The following POGLUT2 variants were observed in gnomAD, a reference collection of about 807,000 sequenced individuals.
POGLUT2 encodes ER protein 58.
POGLUT2 carries 47 observed loss-of-function variants against 57.6 expected under a neutral mutation model. That is an observed-to-expected ratio of 0.82 (90% CI 0.65 to 1.04). POGLUT2 has a LOEUF of 1.04. Ranked by LOEUF, POGLUT2 falls within the 50% of genes least tolerant of loss-of-function variation. The pLI is 0.00. For synonymous variants in POGLUT2, 200 were observed against 218.8 expected (o/e 0.91, Z 0.76); for missense variants, 565 against 614.8 (o/e 0.92, Z 0.86).
chr13:102,796,699 A>AT (rs1185943886), intron 2 of POGLUT2, 105 bp downstream of exon 2: 22 of 151,332 alleles, frequency 1.5e-4, no homozygotes, highest in African/African-American at 5.7e-4. Context: ...AAAAAAAAAA[A>AT]ATATATATAT....
chr13:102,796,293 C>CAAAAAAAAAAAAAAAAAAAA (rs151064207), intron 2 of POGLUT2, among the ~76,000 whole-genome samples: 3 of 100,728 alleles, frequency 3.0e-5, no homozygotes, highest in Non-Finnish European at 4.2e-5. Context: ...GACTCTGCCT[C>CAAAAAAAAAAAAAAAAAAAA]AAAAAAAAAA....
rs183949385 is a variant in POGLUT2 at position 102,784,450 on chromosome 13, A to T, written c.*45T>A. 1.6e-6 allele frequency: 2 copies of T among 1,226,186 alleles called. No individual in the cohort carries two copies. Among genetic ancestry groups the T allele is most frequent in the Non-Finnish European group, 2.4e-6 (2 of 846,174 alleles). The allele number at this position is 1,226,186 out of a possible 1,614,324, so 76.0% of individuals were successfully genotyped here. A position where few individuals can be genotyped will look rare whatever the true frequency, so the allele number is the denominator to read the frequency against. On this transcript the variant is annotated 3_prime_UTR_variant, in exon 10 of 10. Coordinates refer to ENST00000376004, the MANE Select transcript of POGLUT2 (RefSeq NM_024089.3). ...AAAAAATTCTTCTTTTTAGTTAAGAAGAGTCTTCAGAGCACCATTATTCTA... is the reference window on the plus strand; with the variant it reads ...AAAAAATTCTTCTTTTTAGTTAAGATGAGTCTTCAGAGCACCATTATTCTA...
chr13:102,787,030 TTTTG>T (rs1027910598), intron 8 of POGLUT2, among the ~76,000 whole-genome samples: 4 of 151,424 alleles, frequency 2.6e-5, no homozygotes, highest in African/African-American at 9.7e-5. Flanking sequence ...TACTACCTGA[TTTTG>T]TTTTTTTTTT....
chr13:102,792,157 C>A, intron 4 of POGLUT2: 1 of 1,152,276 alleles, frequency 8.7e-7, no homozygotes. Context: ...AATTAACAGA[C>A]TGTAAGTGCT....
chr13:102,787,116 G>A (rs181015096), intron 8 of POGLUT2, among the ~76,000 whole-genome samples: 2 of 151,740 alleles, frequency 1.3e-5, no homozygotes, highest in Admixed American at 6.6e-5. Context: ...GTACGATCTC[G>A]GCTCACTGTA....
At chr13:102,790,774 T>C (rs1003194045) in intron 6 of POGLUT2, 127 bp downstream of exon 6, 1 of 678,480 alleles carries the variant, frequency 1.5e-6, no homozygotes, top group Non-Finnish European at 2.6e-6. Flanking sequence ...CATGTCTCAA[T>C]ATTCGCTCAA....
At position 102,788,031 on chromosome 13, in the gene POGLUT2, TA is replaced by T. The variant is rs1429263023; in HGVS notation, c.1294-109del. ...TATACATTGGGGCAACTGTGGGAAA[TA>T]ATATCTTTGGGGGTAGTCTCATGGT... On this transcript the variant is annotated intron_variant, in intron 7 of 9. Coordinates refer to ENST00000376004, the MANE Select transcript of POGLUT2 (RefSeq NM_024089.3). 8 of 582,490 alleles carry T rather than the reference TA, an allele frequency of 1.4e-5. No individual in the cohort carries two copies. In the Admixed American group the frequency reaches 2.3e-4, roughly 17 times the overall value. 36.1% of individuals were successfully genotyped at this position (582,490 alleles called of 1,614,324 possible).
chr13:102,788,957 G>T, intron 7 of POGLUT2, 55 bp downstream of exon 7: 1 of 1,391,112 alleles, frequency 7.2e-7, no homozygotes, highest in South Asian at 1.2e-5. Flanking sequence ...ATTTCAAAAG[G>T]ACCCATGATA....
intron 8 of POGLUT2, among the ~76,000 whole-genome samples, chr13:102,787,532 A>G (rs1468807268): frequency 1.3e-5 from 2 of 152,242 alleles, no homozygotes; most frequent in African/African-American, 4.8e-5. Flanking sequence ...AATGTAACAC[A>G]AAGAGAACAT....
chr13:102,787,498 A>T (rs1877994756), intron 8 of POGLUT2, among the ~76,000 whole-genome samples: 1 of 152,252 alleles, frequency 6.6e-6, no homozygotes, highest in South Asian at 2.1e-4. Flanking sequence ...CACTGTTTAG[A>T]CAAAGAAATG....
At position 102,789,003 on chromosome 13, in the gene POGLUT2, T is replaced by C. The variant is rs200693465; in HGVS notation, c.1293+9A>G. 1.2e-6 allele frequency: 2 copies of C among 1,610,090 alleles called. No individual in the cohort carries two copies. The highest frequency in any genetic ancestry group is 4.5e-5 in the East Asian group (2 of 44,868). On this transcript the variant is annotated intron_variant, in intron 7 of 9. Transcript: ENST00000376004. ...AGTGGAAATAAGCCTTCAAGGGGAC[T>C]AACCTTACCTCTTCATCGTGATCTT...
intron 9 of POGLUT2, 151 bp downstream of exon 9, chr13:102,786,081 A>G (rs1877928724): frequency 8.1e-6 from 5 of 614,176 alleles, no homozygotes; most frequent in South Asian, 7.8e-5. Context: ...GCTATCTTTT[A>G]TACCTATCTC....
At chr13:102,786,189 T>C in intron 9 of POGLUT2, 43 bp downstream of exon 9, 1 of 1,268,308 alleles carries the variant, frequency 7.9e-7, no homozygotes, top group Non-Finnish European at 1.2e-6. Flanking sequence ...GGATCAATGT[T>C]AGTTTTTACT....
At chr13:102,787,762 T>C (rs1257306285) in intron 8 of POGLUT2, 72 bp downstream of exon 8, 37 of 761,806 alleles carry the variant, frequency 4.9e-5, no homozygotes. Context: ...TAGAAATTGT[T>C]AAGTAAAATA....
chr13:102,786,212 A>C lies in POGLUT2; in HGVS notation c.1491+20T>G. 6.7e-7 allele frequency: 1 copy of C among 1,502,678 alleles called. No individual in the cohort carries two copies. Among genetic ancestry groups the C allele is most frequent in the Non-Finnish European group, 9.3e-7 (1 of 1,079,092 alleles). 93.1% of individuals were successfully genotyped at this position (1,502,678 alleles called of 1,614,324 possible). A position where few individuals can be genotyped will look rare whatever the true frequency, so the allele number is the denominator to read the frequency against. ...GTTAGTTTTTACTCTGACACCGGCC[A>C]TAAGCTCAGTTCTGGTTACCTTTTT... On this transcript the variant is annotated intron_variant, in intron 9 of 9. Coordinates refer to ENST00000376004, the MANE Select transcript of POGLUT2 (RefSeq NM_024089.3).
intron 7 of POGLUT2, among the ~76,000 whole-genome samples, chr13:102,788,776 G>A (rs939099701): frequency 3.3e-5 from 5 of 152,156 alleles, no homozygotes; most frequent in African/African-American, 7.2e-5. Context: ...ACGAGCCACC[G>A]CACCCAGCCT....
chr13:102,792,320 A>G (rs1488910784), intron 4 of POGLUT2, among the ~76,000 whole-genome samples: 1 of 152,234 alleles, frequency 6.6e-6, no homozygotes, highest in Non-Finnish European at 1.5e-5. Flanking sequence ...CCATTTTAAC[A>G]TTACTTTCAA....
intron 7 of POGLUT2, among the ~76,000 whole-genome samples, 173 bp from the exon 8 acceptor site, chr13:102,788,096 G>C (rs1192664526): frequency 6.6e-6 from 1 of 152,206 alleles, no homozygotes; most frequent in South Asian, 2.1e-4. Context: ...GTTTAAATCA[G>C]AGGGAGGTTT....
chr13:102,791,705 T>C (rs1878187477), intron 4 of POGLUT2, among the ~76,000 whole-genome samples: 1 of 152,178 alleles, frequency 6.6e-6, no homozygotes, highest in African/African-American at 2.4e-5. Context: ...AGGAGAATTA[T>C]TGGAAAATAA....
Sources: allele counts gnomAD v4.1 joint callset (sites outside exome capture counted in the v4.1 genomes callset), GRCh38; gene constraint gnomAD v4.1.1; transcripts MANE v1.5; gene names NCBI Gene and HGNC (gene_info 2026-07-23, HGNC 2026-07-21).